The following TNFSF4 variants were observed in gnomAD, a reference collection of about 807,000 sequenced individuals.
TNFSF4 encodes TNF superfamily member 4, also known as tumor necrosis factor ligand superfamily member 4.
Under a neutral mutation model 7.3 loss-of-function variants are expected in TNFSF4, and 4 were observed. The observed-to-expected ratio is 0.55, with a 90% CI of 0.27 to 1.25. The LOEUF is 1.25. Among genes scored for constraint, TNFSF4 ranks in the 50% most tolerant of loss-of-function variants. The pLI is 0.12. For missense variants in TNFSF4, 181 were observed against 208.8 expected, an observed-to-expected ratio of 0.87 and a Z score of 0.82; for synonymous variants, 76 against 83.7, an observed-to-expected ratio of 0.91 and a Z score of 0.50.
At chr1:173,401,286 T>A in the TNFSF4 span, among the ~76,000 whole-genome samples, 1 of 152,194 alleles carries the variant, frequency 6.6e-6, no homozygotes, top group Non-Finnish European at 1.5e-5. Context: ...AGGTTAAGTA[T>A]GGTTTCAGGA....
At chr1:173,278,254 G>A in the TNFSF4 span, among the ~76,000 whole-genome samples, 1 of 152,042 alleles carries the variant, frequency 6.6e-6, no homozygotes, top group East Asian at 1.9e-4. Context: ...CCAGCACTTT[G>A]CACAATGCTT....
chr1:173,197,564 A>G (rs967182828), intron 1 of TNFSF4, among the ~76,000 whole-genome samples: 2 of 152,210 alleles, frequency 1.3e-5, no homozygotes, highest in African/African-American at 4.8e-5. Flanking sequence ...TCTAGAAGCC[A>G]TTATCCTCAG....
At chr1:173,271,479 A>T in the TNFSF4 span, among the ~76,000 whole-genome samples, 3 of 151,784 alleles carry the variant, frequency 2.0e-5, no homozygotes, top group Non-Finnish European at 2.9e-5. Flanking sequence ...AGAATCTACA[A>T]AGAACTTAAA....
At chr1:173,431,924 C>T in the TNFSF4 span, among the ~76,000 whole-genome samples, 2 of 152,172 alleles carry the variant, frequency 1.3e-5, no homozygotes, top group Non-Finnish European at 2.9e-5. Flanking sequence ...CAGTATGTAG[C>T]CCCCTTGGCT....
chr1:173,239,435 A>C, the TNFSF4 span, among the ~76,000 whole-genome samples: 2 of 152,204 alleles, frequency 1.3e-5, no homozygotes, highest in Non-Finnish European at 2.9e-5. Flanking sequence ...CTCAACTGAA[A>C]TCATCTGTCC....
the TNFSF4 span, among the ~76,000 whole-genome samples, chr1:173,379,353 G>A: frequency 1.3e-5 from 2 of 151,994 alleles, no homozygotes; most frequent in African/African-American, 2.4e-5. Flanking sequence ...CCAGGTACAT[G>A]TCCCCTTCTC....
the TNFSF4 span, among the ~76,000 whole-genome samples, chr1:173,226,443 A>C: frequency 6.6e-6 from 1 of 152,198 alleles, no homozygotes; most frequent in Admixed American, 6.5e-5. Flanking sequence ...AGCTTTGACT[A>C]TGCAAATGAG....
the TNFSF4 span, among the ~76,000 whole-genome samples, chr1:173,264,697 A>G: frequency 6.6e-6 from 1 of 152,230 alleles, no homozygotes; most frequent in African/African-American, 2.4e-5. Flanking sequence ...GCATTCCTGT[A>G]ACAACCAGCT....
At chr1:173,187,403 C>G (rs531389579) in intron 2 of TNFSF4, among the ~76,000 whole-genome samples, 231 of 152,322 alleles carry the variant, frequency 1.5e-3, no homozygotes, top group African/African-American at 5.2e-3. Context: ...TGACTTAAAG[C>G]AATTGTTTTC....
At chr1:173,400,416 C>T in the TNFSF4 span, among the ~76,000 whole-genome samples, 6 of 152,220 alleles carry the variant, frequency 3.9e-5, no homozygotes, top group Non-Finnish European at 7.3e-5. Context: ...TCACCTCTTA[C>T]TGTTACTCCA....
At chr1:173,236,635 A>T in the TNFSF4 span, among the ~76,000 whole-genome samples, 1 of 152,298 alleles carries the variant, frequency 6.6e-6, no homozygotes, top group Non-Finnish European at 1.5e-5. Flanking sequence ...ATATATACAC[A>T]CTGGGCTATT....
chr1:173,313,569 A>T, the TNFSF4 span, among the ~76,000 whole-genome samples: 1 of 152,020 alleles, frequency 6.6e-6, no homozygotes, highest in Admixed American at 6.6e-5. Context: ...AGTACAAGAC[A>T]CTTTATTTAC....
At chr1:173,438,073 G>A in the TNFSF4 span, among the ~76,000 whole-genome samples, 1 of 151,788 alleles carries the variant, frequency 6.6e-6, no homozygotes, top group Non-Finnish European at 1.5e-5. Flanking sequence ...TCAGAAACAT[G>A]GTATGTCCCC....
the TNFSF4 span, among the ~76,000 whole-genome samples, chr1:173,216,060 A>G: frequency 2.0e-5 from 3 of 152,246 alleles, no homozygotes; most frequent in Admixed American, 2.0e-4. Context: ...TAGTTAAATT[A>G]TTAACAGAAA....
At chr1:173,249,551 G>A in the TNFSF4 span, among the ~76,000 whole-genome samples, 1 of 152,210 alleles carries the variant, frequency 6.6e-6, no homozygotes, top group Admixed American at 6.5e-5. Context: ...ACACCACAGG[G>A]TGGGAGGACA....
the TNFSF4 span, among the ~76,000 whole-genome samples, chr1:173,258,608 T>A: frequency 6.6e-6 from 1 of 152,132 alleles, no homozygotes. Context: ...CTAAGATGAC[T>A]GAGTTCCCGG....
the TNFSF4 span, among the ~76,000 whole-genome samples, chr1:173,419,992 T>C: frequency 6.6e-6 from 1 of 152,126 alleles, no homozygotes; most frequent in Admixed American, 6.5e-5. Flanking sequence ...TCCCCCGATT[T>C]TTACCTCATG....
At chr1:173,280,614 C>T in the TNFSF4 span, among the ~76,000 whole-genome samples, 1 of 152,124 alleles carries the variant, frequency 6.6e-6, no homozygotes. Flanking sequence ...GCTGAATAAA[C>T]ATTTGAATGC....
chr1:173,380,457 G>GA, the TNFSF4 span, among the ~76,000 whole-genome samples: 1 of 152,118 alleles, frequency 6.6e-6, no homozygotes, highest in Non-Finnish European at 1.5e-5. Context: ...AGCCCCAGCT[G>GA]ATCATAGTAA....
Sources: gnomAD v4.1 joint callset for allele counts (sites outside exome capture counted in the v4.1 genomes callset) on GRCh38, gnomAD v4.1.1 for gene constraint, MANE v1.5 for transcripts, NCBI Gene and HGNC (gene_info 2026-07-23, HGNC 2026-07-21) for gene names.